Variants in PLAAT5 observed in about 807,000 individuals in gnomAD.
The protein encoded by PLAAT5 is phospholipase A and acyltransferase 5.
A neutral mutation model predicts 27.8 loss-of-function variants in PLAAT5; 27 were observed. The observed-to-expected ratio is 0.97, with a 90% CI of 0.72 to 1.34. The LOEUF is 1.34. Among genes scored for constraint, PLAAT5 ranks in the 40% most tolerant of loss-of-function variants. PLAAT5 has a pLI of 0.00. For missense variants in PLAAT5, 368 were observed against 343.8 expected (o/e 1.07, Z -0.56); for synonymous variants, 125 against 136.1 (o/e 0.92, Z 0.57).
At chr11:63,484,420 C>G (rs2016386423) in intron 3 of PLAAT5, among the ~76,000 whole-genome samples, 2 of 151,824 alleles carry the variant, frequency 1.3e-5, no homozygotes, top group Admixed American at 1.3e-4. Flanking sequence ...CTGAATCAAA[C>G]AGCATATCAA....
At chr11:63,469,626 A>C (rs1182908656) in intron 3 of PLAAT5, 1 of 214,942 alleles carries the variant, frequency 4.7e-6, no homozygotes, top group African/African-American at 2.3e-5. Flanking sequence ...AAAGTGCACA[A>C]AGGAGGTCAT....
chr11:63,473,987 C>A (rs1275059856), intron 3 of PLAAT5, among the ~76,000 whole-genome samples: 1 of 152,182 alleles, frequency 6.6e-6, no homozygotes, highest in Admixed American at 6.5e-5. Context: ...GCATGCCCCA[C>A]AGCGCCCAGC....
intron 3 of PLAAT5, among the ~76,000 whole-genome samples, chr11:63,484,363 T>A (rs1247161522): frequency 6.6e-6 from 1 of 151,384 alleles, no homozygotes; most frequent in African/African-American, 2.4e-5. Context: ...CAGACCAATA[T>A]CCCTGATGAA....
chr11:63,482,919 C>T (rs945772048), intron 3 of PLAAT5, among the ~76,000 whole-genome samples: 1 of 152,066 alleles, frequency 6.6e-6, no homozygotes, highest in African/African-American at 2.4e-5. Context: ...AAAGATATTC[C>T]AAGCAAATGG....
chr11:63,475,193 T>C (rs1202564638), intron 3 of PLAAT5, among the ~76,000 whole-genome samples: 1 of 147,386 alleles, frequency 6.8e-6, no homozygotes, highest in African/African-American at 2.7e-5. Context: ...ATCTTCTATC[T>C]GCTCACTGAT....
Position 63,490,906 on chromosome 11 carries a change from A to C in PLAAT5, c.129T>G (p.Arg43=). 1 of 1,603,574 alleles carries C rather than the reference A, an allele frequency of 6.2e-7. No individual in the cohort carries two copies. The highest frequency in any genetic ancestry group is 1.1e-5 in the South Asian group (1 of 89,960). ...GCTGACCTGAGTGGGGCACAGCTGA[A>C]CGTCTGAGCGCAGGCGGCTGGTCCT... ...GPKDQPPALR[R]SAVPHSEESV... The change falls in exon 1 of 6, where the codon CGT becomes CGG. Residue 43 remains arginine (R), a synonymous_variant. Coordinates refer to ENST00000540857, the MANE Select transcript of PLAAT5 (RefSeq NM_001146729.2).
chr11:63,465,629 A>C (rs377252333), intron 5 of PLAAT5, among the ~76,000 whole-genome samples: 17 of 152,050 alleles, frequency 1.1e-4, no homozygotes, highest in African/African-American at 3.9e-4. Context: ...CCTCTCAACA[A>C]AAAAATTAAA....
intron 1 of PLAAT5, 140 bp from the exon 2 acceptor site, chr11:63,490,473 T>C (rs1041911667): frequency 2.2e-6 from 3 of 1,358,494 alleles, no homozygotes; most frequent in South Asian, 1.3e-5. Context: ...AATCTTGGGA[T>C]GAATGGAGAG....
Position 63,463,517 on chromosome 11 carries a change from G to T in PLAAT5, c.796C>A (p.Pro266Thr). 2 of 1,613,396 alleles carry T rather than the reference G, an allele frequency of 1.2e-6. No homozygotes were observed. Among genetic ancestry groups the T allele is most frequent in the Non-Finnish European group, 1.7e-6 (2 of 1,179,620 alleles). ...SAVVDSIKPK[P>T]ITA ...TTTCATCACCTTCAGGCAGTTATTG[G>T]TTTGGGCTTTATGCTATCCACTACA... is the stretch of plus-strand genomic sequence containing the variant. Residue 266 changes from proline (P) to threonine (T), a missense_variant, in exon 6 of 6, where the codon CCA becomes ACA. Pro to Thr is a conservative substitution (Grantham distance 38). Coordinates refer to ENST00000540857, the MANE Select transcript of PLAAT5 (RefSeq NM_001146729.2).
In PLAAT5 at chr11:63,490,407, A is replaced by C. The variant is rs765076212; in HGVS notation, c.149-74T>G. The C allele has an allele frequency of 1.7e-5, 27 of 1,610,352 alleles. No individual in the cohort carries two copies. In the Admixed American group the frequency reaches 2.0e-4, roughly 12 times the overall value. The stretch of plus-strand genomic sequence containing the variant: ...AGCAAGCACCTTGACCGCTACGGAG[A>C]GTGGGCTCAGAGCTCTAGTCTAGCA... On this transcript the variant is annotated intron_variant, in intron 1 of 5. Coordinates refer to ENST00000540857, the MANE Select transcript of PLAAT5 (RefSeq NM_001146729.2).
At chr11:63,468,572 T>C (rs185044478) in intron 3 of PLAAT5, 107 bp from the exon 4 acceptor site, 2 of 771,720 alleles carry the variant, frequency 2.6e-6, no homozygotes, top group Admixed American at 2.7e-5. Flanking sequence ...GTGTGGTTCA[T>C]CACTTCACAG....
At chr11:63,486,402 G>A (rs535340693) in intron 3 of PLAAT5, among the ~76,000 whole-genome samples, 5 of 152,150 alleles carry the variant, frequency 3.3e-5, no homozygotes, top group Non-Finnish European at 7.4e-5. Flanking sequence ...CAACCAATGA[G>A]TGGACAAAGA....
intron 3 of PLAAT5, among the ~76,000 whole-genome samples, chr11:63,483,683 T>C (rs1213105838): frequency 3.8e-5 from 5 of 131,452 alleles, no homozygotes; most frequent in Non-Finnish European, 8.1e-5. Flanking sequence ...AGGTTACACC[T>C]CAAGGAACTA....
intron 3 of PLAAT5, among the ~76,000 whole-genome samples, chr11:63,483,829 A>ACATATATATATATATGTG (rs2016365238): frequency 8.4e-6 from 1 of 118,352 alleles, no homozygotes; most frequent in African/African-American, 3.0e-5. Context: ...ATATATATAT[A>ACATATATATATATATGTG]TATATATATA....
intron 3 of PLAAT5, among the ~76,000 whole-genome samples, chr11:63,482,900 G>A (rs1402292690): frequency 1.3e-5 from 2 of 152,072 alleles, no homozygotes; most frequent in Non-Finnish European, 2.9e-5. Flanking sequence ...AAACTTAAAA[G>A]GGGAGGAAAA....
At chr11:63,481,539 C>T (rs988674319) in intron 3 of PLAAT5, among the ~76,000 whole-genome samples, 1 of 152,214 alleles carries the variant, frequency 6.6e-6, no homozygotes, top group Non-Finnish European at 1.5e-5. Context: ...CACAGGCTGG[C>T]AACCCAGCTC....
chr11:63,487,381 T>C (rs901947798), intron 3 of PLAAT5, among the ~76,000 whole-genome samples: 1 of 152,122 alleles, frequency 6.6e-6, no homozygotes, highest in Non-Finnish European at 1.5e-5. Flanking sequence ...CACAATGAGA[T>C]ACCTACACAT....
In PLAAT5 at chr11:63,466,355, C is replaced by A. The variant is rs975181734; in HGVS notation, c.472G>T (p.Gly158Cys). Residue 158 changes from glycine (G) to cysteine (C), a missense_variant, in exon 5 of 6, where the codon GGC (glycine) becomes TGC (cysteine). Gly to Cys is a radical substitution (Grantham distance 159, BLOSUM62 -3). Transcript: ENST00000540857. ...LAPPSEEFEV[G>C]SITSIFSNRA... The stretch of plus-strand genomic sequence containing the variant: ...TTGCTAAAGATGGAAGTAATGCTGC[C>A]CACCTCAAACTCCTCACCTGGAGAC... 1.2e-6 allele frequency: 2 copies of A among 1,613,836 alleles called. No individual in the cohort carries two copies. Among genetic ancestry groups the A allele is most frequent in the Non-Finnish European group, 8.5e-7 (1 of 1,179,996 alleles).
intron 3 of PLAAT5, among the ~76,000 whole-genome samples, chr11:63,483,784 A>ATAT (rs1555028140): frequency 3.5e-4 from 23 of 65,674 alleles, no homozygotes; most frequent in African/African-American, 4.9e-4. Context: ...GCAAAAAAAA[A>ATAT]ATATATATAT....
Sources: allele counts gnomAD v4.1 joint callset (sites outside exome capture counted in the v4.1 genomes callset), GRCh38; gene constraint gnomAD v4.1.1; transcripts MANE v1.5; gene names NCBI Gene and HGNC (gene_info 2026-07-23, HGNC 2026-07-21).